The following RBFOX1 variants were observed in gnomAD, a reference collection of about 807,000 sequenced individuals.
RBFOX1 encodes the protein RNA binding fox-1 homolog 1, also known as RNA binding protein fox-1 homolog 1.
In RBFOX1, 8 loss-of-function variants were observed where a neutral mutation model predicts 57.7. The ratio of observed to expected loss-of-function variants is 0.14; its 90% CI spans 0.08 to 0.25. The LOEUF (loss-of-function observed/expected upper bound fraction) is 0.25. Ranked by LOEUF, RBFOX1 falls within the 10% of genes least tolerant of loss-of-function variation. The pLI, the probability that RBFOX1 is intolerant of heterozygous loss-of-function variation, is 1.00. For missense variants in RBFOX1, 611 were observed against 548.5 expected (o/e 1.11, Z -1.14); for synonymous variants, 326 against 222.4 (o/e 1.47, Z -4.15).
intron 3 of RBFOX1, among the ~76,000 whole-genome samples, chr16:6,675,658 A>G (rs1020851400): frequency 2.0e-5 from 3 of 152,222 alleles, no homozygotes; most frequent in East Asian, 1.9e-4. Context: ...ATGCCTCACA[A>G]TCATGGCAGA....
chr16:5,696,554 G>C (rs1290745203), intron 3 of RBFOX1, among the ~76,000 whole-genome samples: 1 of 152,152 alleles, frequency 6.6e-6, no homozygotes, highest in Non-Finnish European at 1.5e-5. Flanking sequence ...CAAATTTACC[G>C]CATATTTCTA....
intron 1 of RBFOX1, among the ~76,000 whole-genome samples, chr16:6,103,846 C>T (rs1291018169): frequency 6.6e-6 from 1 of 152,102 alleles, no homozygotes; most frequent in Non-Finnish European, 1.5e-5. Flanking sequence ...TGGTGAGGTC[C>T]ACCCGCCACA....
At chr16:6,886,597 A>C (rs891650643) in intron 3 of RBFOX1, among the ~76,000 whole-genome samples, 2 of 151,858 alleles carry the variant, frequency 1.3e-5, no homozygotes, top group African/African-American at 4.8e-5. Flanking sequence ...TACTAAAAAT[A>C]GAAAAAAATT....
At chr16:7,094,773 T>TGTGTGTGTGTGTGTGTGG (rs1272219459) in intron 4 of RBFOX1, among the ~76,000 whole-genome samples, 32 of 141,034 alleles carry the variant, frequency 2.3e-4, no homozygotes, top group African/African-American at 7.4e-4. Context: ...TGTGTGTGTG[T>TGTGTGTGTGTGTGTGTGG]GTGGGTGTGT....
At chr16:7,212,754 G>A (rs890233766) in intron 4 of RBFOX1, among the ~76,000 whole-genome samples, 1 of 152,174 alleles carries the variant, frequency 6.6e-6, no homozygotes, top group Admixed American at 6.5e-5. Flanking sequence ...AGGTTGATAG[G>A]TGCAGCAAAC....
chr16:5,736,579 T>G (rs374286203), intron 3 of RBFOX1, among the ~76,000 whole-genome samples: 2 of 152,152 alleles, frequency 1.3e-5, no homozygotes, highest in African/African-American at 4.8e-5. Flanking sequence ...TTGAAAGCCC[T>G]GTGAAGAGTT....
chr16:5,294,447 G>A (rs1204423366), intron 1 of RBFOX1, among the ~76,000 whole-genome samples: 1 of 152,052 alleles, frequency 6.6e-6, no homozygotes, highest in Non-Finnish European at 1.5e-5. Context: ...GCCTGCCTAT[G>A]CCTTTCTGCT....
At chr16:6,897,290 C>T (rs1384663791) in intron 3 of RBFOX1, among the ~76,000 whole-genome samples, 2 of 152,204 alleles carry the variant, frequency 1.3e-5, no homozygotes, top group Non-Finnish European at 2.9e-5. Flanking sequence ...GTAAGCCCAG[C>T]TACTCAGGAG....
At position 7,546,943 on chromosome 16, in the gene RBFOX1, AT is replaced by A. The variant is rs111497547; in HGVS notation, c.270+28560del. ...TCTGGGTCAAAGAGTAAAAATGCAC[AT>A]TTTTTAAGGCTTTTGATAGTCAGAT... On this transcript the variant is annotated intron_variant, in intron 5 of 15. Coordinates refer to ENST00000550418, the MANE Select transcript of RBFOX1 (RefSeq NM_018723.4). Among the ~76,000 whole-genome samples the A allele has an allele frequency of 5.3e-5, 8 of 152,226 alleles. 1 individual carries two copies. The highest frequency in any genetic ancestry group is 9.6e-5 in the African/African-American group (4 of 41,554).
chr16:5,925,915 C>G (rs1396985389), intron 4 of RBFOX1, among the ~76,000 whole-genome samples: 1 of 152,096 alleles, frequency 6.6e-6, no homozygotes, highest in Non-Finnish European at 1.5e-5. Context: ...CCTGATGGGC[C>G]AAGCTTATCT....
chr16:6,784,063 G>T (rs118106783), intron 3 of RBFOX1, among the ~76,000 whole-genome samples: 4,897 of 152,090 alleles, frequency 0.032, 118 homozygotes, highest in Non-Finnish European at 0.053. Context: ...TACTCTTAGG[G>T]TCCTCTTTTT....
intron 4 of RBFOX1, among the ~76,000 whole-genome samples, chr16:7,472,931 G>C (rs374783513): frequency 2.6e-5 from 4 of 152,152 alleles, no homozygotes; most frequent in African/African-American, 9.7e-5. Context: ...AGGTTTAGAC[G>C]TCTGAAAAAC....
chr16:6,855,209 A>T (rs79126438), intron 3 of RBFOX1, among the ~76,000 whole-genome samples: 4,485 of 152,160 alleles, frequency 0.029, 182 homozygotes, highest in East Asian at 0.17. Flanking sequence ...AGTACCTGGC[A>T]AAATGATAAG....
At chr16:7,676,425 T>A (rs1056579385) in intron 13 of RBFOX1, among the ~76,000 whole-genome samples, 8 of 152,140 alleles carry the variant, frequency 5.3e-5, no homozygotes, top group Non-Finnish European at 8.8e-5. Context: ...ATTTTGAAAA[T>A]CTGGAAAGTT....
chr16:7,034,090 C>A (rs891675508), intron 3 of RBFOX1, among the ~76,000 whole-genome samples: 4 of 152,056 alleles, frequency 2.6e-5, no homozygotes, highest in Non-Finnish European at 5.9e-5. Flanking sequence ...TGCAGGTGTC[C>A]ATGCCATGGC....
At chr16:7,508,794 G>A (rs192703861) in intron 4 of RBFOX1, among the ~76,000 whole-genome samples, 1 of 152,098 alleles carries the variant, frequency 6.6e-6, no homozygotes, top group African/African-American at 2.4e-5. Context: ...CTCCTCCTCT[G>A]TTATACAATT....
chr16:7,573,915 GAACTAT>G (rs2093049600), intron 5 of RBFOX1, among the ~76,000 whole-genome samples: 1 of 152,030 alleles, frequency 6.6e-6, no homozygotes, highest in African/African-American at 2.4e-5. Context: ...ACAGCTTTAG[GAACTAT>G]AACTATGAAT....
intron 3 of RBFOX1, among the ~76,000 whole-genome samples, chr16:6,725,460 G>A (rs559717674): frequency 3.9e-5 from 6 of 152,246 alleles, no homozygotes; most frequent in African/African-American, 1.4e-4. Context: ...AACCTACCGT[G>A]AATGCAGCCC....
downstream of RBFOX1, among the ~76,000 whole-genome samples, chr16:5,603,061 A>G (rs1365535635): frequency 6.6e-6 from 1 of 152,180 alleles, no homozygotes; most frequent in Non-Finnish European, 1.5e-5. Context: ...ACTCCAGGCC[A>G]TGGCATCTCA....
Sources: allele counts gnomAD v4.1 joint callset (sites outside exome capture counted in the v4.1 genomes callset), GRCh38; gene constraint gnomAD v4.1.1; transcripts MANE v1.5; gene names NCBI Gene and HGNC (gene_info 2026-07-23, HGNC 2026-07-21).